The following ATP2B2 variants were observed in gnomAD, a reference collection of about 807,000 sequenced individuals.
ATP2B2 encodes plasma membrane calcium-transporting ATPase 2.
A neutral mutation model predicts 120.0 loss-of-function variants in ATP2B2; 15 were observed. The observed-to-expected ratio is 0.12, with a 90% confidence interval of 0.08 to 0.19. The LOEUF (loss-of-function observed/expected upper bound fraction) is 0.19. Ranked by LOEUF, ATP2B2 falls within the 10% of genes least tolerant of loss-of-function variation. The probability of loss-of-function intolerance (pLI) is 1.00; values close to 1 mark genes in which losing one functional copy is unlikely to be tolerated. For synonymous variants in ATP2B2, 694 were observed against 700.3 expected (o/e 0.99, Z 0.14); for missense variants, 1,045 against 1,719.8 (o/e 0.61, Z 6.94).
chr3:10,672,225 G>A (rs2071119004), intron 1 of ATP2B2, among the ~76,000 whole-genome samples: 1 of 152,184 alleles, frequency 6.6e-6, no homozygotes, highest in East Asian at 1.9e-4. Context: ...AGTCAGTACA[G>A]CTTTCCAACC....
At chr3:10,445,295 T>C (rs560880873) in intron 2 of ATP2B2, among the ~76,000 whole-genome samples, 3 of 148,736 alleles carry the variant, frequency 2.0e-5, no homozygotes, top group South Asian at 2.1e-4. Flanking sequence ...AGAGGTTAAA[T>C]TGAACTCTCG....
chr3:10,402,040 C>T lies in ATP2B2; in HGVS notation c.655+51G>A. The T allele has an allele frequency of 1.2e-6, 2 of 1,607,750 alleles. No individual in the cohort carries two copies. The highest frequency in any genetic ancestry group is 2.2e-5 in the South Asian group (2 of 91,038). On this transcript the variant is annotated intron_variant, in intron 4 of 22. Coordinates refer to ENST00000360273, the MANE Select transcript of ATP2B2 (RefSeq NM_001001331.4). This position sits in a 1 kb window ranked among gnomAD's most constrained non-coding sequence, Gnocchi z 4.9. ...CTTTGCATCAGCCTGGCCTGTCCCA[C>T]CTCTGCCGGAATCCAGCTTTAGAAC... is the stretch of plus-strand genomic sequence containing the variant.
intron 2 of ATP2B2, among the ~76,000 whole-genome samples, chr3:10,412,905 G>C (rs1181718591): frequency 1.3e-5 from 2 of 152,194 alleles, no homozygotes; most frequent in African/African-American, 4.8e-5. Flanking sequence ...TTGTGTCTTA[G>C]TGAGGACAGA....
intron 1 of ATP2B2, among the ~76,000 whole-genome samples, chr3:10,661,174 C>T (rs4684736): frequency 0.81 from 123,540 of 151,950 alleles, 50,844 homozygotes; most frequent in African/African-American, 0.95. Context: ...AGCATTCCCT[C>T]TGAAAACTGG....
chr3:10,440,230 A>C (rs927117257), intron 2 of ATP2B2, among the ~76,000 whole-genome samples: 1 of 151,572 alleles, frequency 6.6e-6, no homozygotes, highest in African/African-American at 2.4e-5. Context: ...GTGGAACCTC[A>C]AGGCACTGGG....
At position 10,401,032 on chromosome 3, in the gene ATP2B2, G is replaced by A. The variant is rs764640049; in HGVS notation, c.702C>T (p.Leu234=). The change falls in exon 5 of 23, where the codon CTC becomes CTT. Residue 234 remains leucine, a synonymous_variant. Transcript: ENST00000360273. ...ADGLFIQGND[L]KIDESSLTGE... ...CAGTTAGGGAGCTTTCATCAATCTT[G>A]AGGTCATTGCCCTGGATGAAGAGGC... The A allele has an allele frequency of 1.2e-6, 2 of 1,614,164 alleles. No homozygotes were observed. The highest frequency in any genetic ancestry group is 1.7e-6 in the Non-Finnish European group (2 of 1,180,022).
intron 22 of ATP2B2, among the ~76,000 whole-genome samples, chr3:10,331,584 T>C (rs1331190506): frequency 6.6e-6 from 1 of 152,040 alleles, no homozygotes; most frequent in Non-Finnish European, 1.5e-5. Flanking sequence ...ACGAGACTTT[T>C]TGGGACACCC....
intron 1 of ATP2B2, among the ~76,000 whole-genome samples, chr3:10,484,656 GC>G (rs1406761433): frequency 6.6e-6 from 1 of 152,128 alleles, no homozygotes; most frequent in Non-Finnish European, 1.5e-5. Flanking sequence ...ATCCTGCAGG[GC>G]CCCCATGGCC....
chr3:10,674,078 T>C (rs1470266537), intron 1 of ATP2B2, among the ~76,000 whole-genome samples: 3 of 152,110 alleles, frequency 2.0e-5, no homozygotes, highest in Non-Finnish European at 2.9e-5. Context: ...TGTGAAACTT[T>C]GGAAGAATCA....
At chr3:10,607,594 T>A (rs2125602525) in intron 2 of ATP2B2, among the ~76,000 whole-genome samples, 1 of 152,292 alleles carries the variant, frequency 6.6e-6, no homozygotes, top group African/African-American at 2.4e-5. Flanking sequence ...ACAACCAACC[T>A]GCTCAGTGGC....
At chr3:10,337,390 G>A (rs576627114) in intron 22 of ATP2B2, among the ~76,000 whole-genome samples, 298 of 152,270 alleles carry the variant, frequency 2.0e-3, no homozygotes, top group Non-Finnish European at 3.6e-3. Flanking sequence ...GTCTGGGCAA[G>A]AGACCCACAG....
At position 10,327,407 on chromosome 3, in the gene ATP2B2, A is replaced by C. The variant is rs1015263069; in HGVS notation, c.*1407T>G. 1.3e-5 allele frequency: 2 copies of C among 152,656 alleles called. No individual in the cohort carries two copies. The highest frequency in any genetic ancestry group is 2.9e-5 in the Non-Finnish European group (2 of 68,058). 9.5% of individuals were successfully genotyped at this position (152,656 alleles called of 1,614,324 possible). On this transcript the variant is annotated 3_prime_UTR_variant, in exon 23 of 23. Transcript: ENST00000360273. Reference sequence around the variant, plus strand: ...ACATCATAAGGTTCATTCGGATCTAAATAGTGCAGAGAAAAAGGCTATTCT... The same window carrying C: ...ACATCATAAGGTTCATTCGGATCTACATAGTGCAGAGAAAAAGGCTATTCT...
chr3:10,645,900 CTGTGGCAT>C (rs1426286869), intron 1 of ATP2B2, among the ~76,000 whole-genome samples: 1 of 152,198 alleles, frequency 6.6e-6, no homozygotes, highest in Non-Finnish European at 1.5e-5. Context: ...GACAGAAGAC[CTGTGGCAT>C]TGTGGCATTC....
chr3:10,679,968 T>C (rs2071342528), intron 1 of ATP2B2, among the ~76,000 whole-genome samples: 2 of 152,158 alleles, frequency 1.3e-5, no homozygotes, highest in African/African-American at 2.4e-5. Flanking sequence ...TTCGAGGATG[T>C]TAATAACCTG....
chr3:10,587,666 C>T (rs148494122), intron 2 of ATP2B2, among the ~76,000 whole-genome samples: 3 of 152,216 alleles, frequency 2.0e-5, no homozygotes, highest in Admixed American at 1.3e-4. Context: ...AGGCATGAGC[C>T]ACCGCGCTGG....
intron 2 of ATP2B2, among the ~76,000 whole-genome samples, chr3:10,580,052 C>T (rs1334356332): frequency 1.3e-5 from 2 of 152,046 alleles, no homozygotes; most frequent in Non-Finnish European, 2.9e-5. Context: ...AGGCTGAGGT[C>T]CCACCCACTG....
chr3:10,593,135 A>G (rs1439780018), intron 2 of ATP2B2, among the ~76,000 whole-genome samples: 1 of 152,252 alleles, frequency 6.6e-6, no homozygotes, highest in Non-Finnish European at 1.5e-5. Flanking sequence ...TAAACCTGCT[A>G]TCAGGTTAGA....
chr3:10,434,444 G>A (rs1235218215), intron 2 of ATP2B2, among the ~76,000 whole-genome samples: 1 of 152,226 alleles, frequency 6.6e-6, no homozygotes, highest in Non-Finnish European at 1.5e-5. Context: ...TTTTCAGCAG[G>A]TGGTGGCACA....
chr3:10,551,906 T>C (rs2125514386), intron 2 of ATP2B2, among the ~76,000 whole-genome samples: 1 of 152,340 alleles, frequency 6.6e-6, no homozygotes, highest in East Asian at 1.9e-4. Context: ...GCCAGCTCCC[T>C]AGGGCCCTCA....
Sources: allele counts gnomAD v4.1 joint callset (sites outside exome capture counted in the v4.1 genomes callset), GRCh38; gene constraint gnomAD v4.1.1; non-coding constraint Gnocchi (gnomAD v3.1); transcripts MANE v1.5; gene names NCBI Gene and HGNC (gene_info 2026-07-23, HGNC 2026-07-21).